The following LUZP2 variants were observed in gnomAD, a reference collection of about 807,000 sequenced individuals.
LUZP2 encodes the protein leucine zipper protein 2.
A neutral mutation model predicts 51.6 loss-of-function variants in LUZP2; 52 were observed. That is an observed-to-expected ratio of 1.01 (90% confidence interval 0.81 to 1.27). LUZP2 has a LOEUF of 1.27. Among genes scored for constraint, LUZP2 ranks in the 50% most tolerant of loss-of-function variants. LUZP2 has a pLI of 0.00. For synonymous variants in LUZP2, 154 were observed against 137.3 expected (o/e 1.12, Z -0.85); for missense variants, 436 against 395.4 (o/e 1.10, Z -0.87).
At position 24,582,370 on chromosome 11, in the gene LUZP2, T is replaced by G. The variant is rs112513606; in HGVS notation, c.62+85065T>G. ...AGATTAATAGAAATAAATAGAGAGA[T>G]GAATAGAAATAAATAGAGAGATGAA... On this transcript the variant is annotated intron_variant, in intron 1 of 11. Coordinates refer to ENST00000336930, the MANE Select transcript of LUZP2 (RefSeq NM_001009909.4). Among the ~76,000 whole-genome samples the G allele has an allele frequency of 2.7e-3, 369 of 136,420 alleles. 1 individual carries two copies. The highest frequency in any genetic ancestry group is 9.8e-3 in the African/African-American group (356 of 36,326). 89.5% of individuals were successfully genotyped at this position (136,420 alleles called of 152,430 possible). A position where few individuals can be genotyped will look rare whatever the true frequency, so the allele number is the denominator to read the frequency against.
intron 5 of LUZP2, among the ~76,000 whole-genome samples, chr11:24,842,618 G>T (rs1252986637): frequency 1.3e-5 from 2 of 151,978 alleles, no homozygotes; most frequent in Middle Eastern, 3.4e-3. Context: ...CCTTAAGCTA[G>T]AAATCAATAA....
intron 1 of LUZP2, among the ~76,000 whole-genome samples, chr11:24,638,158 A>C (rs562861630): frequency 1.3e-5 from 2 of 151,860 alleles, no homozygotes; most frequent in Non-Finnish European, 2.9e-5. Flanking sequence ...TGACAAAACA[A>C]AACTATATGA....
chr11:24,961,193 T>G (rs914639030), intron 7 of LUZP2, among the ~76,000 whole-genome samples: 1 of 152,224 alleles, frequency 6.6e-6, no homozygotes, highest in South Asian at 2.1e-4. Context: ...GGAATAGGTG[T>G]GGTGTGGTGC....
intron 1 of LUZP2, among the ~76,000 whole-genome samples, chr11:24,679,931 C>A (rs1464870668): frequency 6.6e-6 from 1 of 152,150 alleles, no homozygotes; most frequent in Non-Finnish European, 1.5e-5. Context: ...GATTGCTGCT[C>A]ACTGTGCTGA....
chr11:25,061,727 A>T (rs531486062), intron 10 of LUZP2, among the ~76,000 whole-genome samples: 280 of 152,164 alleles, frequency 1.8e-3, no homozygotes, highest in African/African-American at 6.2e-3. Context: ...TTCTTTTTTT[A>T]GACATAAAAT....
intron 1 of LUZP2, among the ~76,000 whole-genome samples, chr11:24,505,740 G>A (rs1298711078): frequency 1.3e-5 from 2 of 151,900 alleles, no homozygotes; most frequent in Admixed American, 1.3e-4. Context: ...TAATTTGGGG[G>A]CAATGTGGAA....
intron 1 of LUZP2, among the ~76,000 whole-genome samples, chr11:24,584,915 A>C (rs1853007693): frequency 6.6e-6 from 1 of 152,206 alleles, no homozygotes; most frequent in African/African-American, 2.4e-5. Flanking sequence ...GAAAACTAAA[A>C]TGAGCTAAGC....
chr11:25,067,617 C>T (rs1244949555), intron 10 of LUZP2, among the ~76,000 whole-genome samples: 1 of 152,020 alleles, frequency 6.6e-6, no homozygotes, highest in African/African-American at 2.4e-5. Context: ...ATCAAAGCCA[C>T]AGTGAGATAC....
chr11:24,874,118 C>T lies in LUZP2; in HGVS notation c.397-31873C>T, dbSNP rs553377816. Reference sequence around the variant, plus strand: ...ACAGTGGTTTTAAAGCTTGTGTGTGCGTAAGACTCACCTGGGAACAATGCT... The same window carrying T: ...ACAGTGGTTTTAAAGCTTGTGTGTGTGTAAGACTCACCTGGGAACAATGCT... On this transcript the variant is annotated intron_variant, in intron 5 of 11. Coordinates refer to ENST00000336930, the MANE Select transcript of LUZP2 (RefSeq NM_001009909.4). 5.3e-5 allele frequency among the ~76,000 whole-genome samples: 8 copies of T among 152,232 alleles called. No individual in the cohort carries two copies. The South Asian group carries it at 6.2e-4, about 12-fold the overall frequency.
chr11:24,555,920 G>C (rs1355770778), intron 1 of LUZP2, among the ~76,000 whole-genome samples: 1 of 152,176 alleles, frequency 6.6e-6, no homozygotes, highest in African/African-American at 2.4e-5. Flanking sequence ...CAAGGCTTTA[G>C]TGAGCCATGA....
intron 5 of LUZP2, among the ~76,000 whole-genome samples, chr11:24,897,427 C>T (rs1021084016): frequency 3.3e-5 from 5 of 152,102 alleles, no homozygotes; most frequent in African/African-American, 9.7e-5. Flanking sequence ...TGCGAAGGTC[C>T]ACAGCTTAAC....
At chr11:24,779,375 T>C (rs1849025400) in intron 5 of LUZP2, among the ~76,000 whole-genome samples, 1 of 152,126 alleles carries the variant, frequency 6.6e-6, no homozygotes, top group African/African-American at 2.4e-5. Flanking sequence ...TTTGCAAAAA[T>C]CTGTGTATCT....
chr11:24,687,204 T>C (rs893852734), intron 1 of LUZP2, among the ~76,000 whole-genome samples: 1 of 152,120 alleles, frequency 6.6e-6, no homozygotes, highest in Admixed American at 6.6e-5. Flanking sequence ...AAATGACATA[T>C]GCATAAAATG....
At chr11:24,603,777 T>C (rs1853822265) in intron 1 of LUZP2, among the ~76,000 whole-genome samples, 1 of 151,782 alleles carries the variant, frequency 6.6e-6, no homozygotes, top group Non-Finnish European at 1.5e-5. Context: ...AGAATTTATG[T>C]TCTTGTCCAG....
intron 7 of LUZP2, among the ~76,000 whole-genome samples, chr11:24,968,179 T>C (rs922655704): frequency 6.6e-6 from 1 of 152,116 alleles, no homozygotes; most frequent in Non-Finnish European, 1.5e-5. Context: ...TTGATTTAGA[T>C]TTTTTTAAGG....
intron 9 of LUZP2, among the ~76,000 whole-genome samples, chr11:25,026,590 AG>A (rs1360370117): frequency 2.6e-5 from 4 of 152,084 alleles, no homozygotes; most frequent in Non-Finnish European, 4.4e-5. Flanking sequence ...TGACTAATTA[AG>A]GGGTGATTAT....
intron 1 of LUZP2, among the ~76,000 whole-genome samples, chr11:24,555,939 C>T (rs1008030483): frequency 6.6e-6 from 1 of 152,188 alleles, no homozygotes. Flanking sequence ...GATCGTGCCA[C>T]TGCACTCCAG....
At chr11:24,864,283 AT>A (rs1271474544) in intron 5 of LUZP2, among the ~76,000 whole-genome samples, 1 of 151,744 alleles carries the variant, frequency 6.6e-6, no homozygotes, top group Non-Finnish European at 1.5e-5. Context: ...ATGGAACAAT[AT>A]TTAATGAAAA....
intron 1 of LUZP2, among the ~76,000 whole-genome samples, chr11:24,575,808 G>C (rs10734353): frequency 0.79 from 120,744 of 152,016 alleles, 48,080 homozygotes; most frequent in South Asian, 0.83. Flanking sequence ...TTGCTTACCA[G>C]CATTTTTGCC....
Sources: allele counts gnomAD v4.1 joint callset (sites outside exome capture counted in the v4.1 genomes callset), GRCh38; gene constraint gnomAD v4.1.1; transcripts MANE v1.5; gene names NCBI Gene and HGNC (gene_info 2026-07-23, HGNC 2026-07-21).